Variants in SPOUT1 observed in about 807,000 individuals in gnomAD.
SPOUT1 encodes 28S rRNA (uridine-N(3))-methyltransferase.
A neutral mutation model predicts 54.8 loss-of-function variants in SPOUT1; 40 were observed. The ratio of observed to expected loss-of-function variants is 0.73; its 90% CI spans 0.57 to 0.95. The LOEUF is 0.95. Ranked by LOEUF, SPOUT1 falls within the 40% of genes least tolerant of loss-of-function variation. The pLI, the probability that SPOUT1 is intolerant of heterozygous loss-of-function variation, is 0.00. For missense variants in SPOUT1, 437 were observed against 499.5 expected, an observed-to-expected ratio of 0.87 and a Z score of 1.19; for synonymous variants, 193 against 200.3, an observed-to-expected ratio of 0.96 and a Z score of 0.31.
At position 128,826,202 on chromosome 9, in the gene SPOUT1, G is replaced by A. The variant is rs949841508; in HGVS notation, c.509-50C>T. The A allele has an allele frequency of 3.2e-6, 5 of 1,575,448 alleles. No homozygotes were observed. The highest frequency in any genetic ancestry group is 4.3e-6 in the Non-Finnish European group (5 of 1,159,668). On this transcript the variant is annotated intron_variant, in intron 6 of 11. Coordinates refer to ENST00000361256, the MANE Select transcript of SPOUT1 (RefSeq NM_016390.4). The surrounding 1 kb of genome is among the most constrained non-coding windows in gnomAD (Gnocchi z 5.5). ...TCTGGGAAGTGCTAGGGCACACAGG[G>A]TGCAGTGGGGACCCTGGAGCGGAGT...
At chr9:128,828,341 C>T (rs10988133) in intron 3 of SPOUT1, among the ~76,000 whole-genome samples, 7,227 of 152,112 alleles carry the variant, frequency 0.048, 271 homozygotes, top group East Asian at 0.16. Flanking sequence ...ACTAAAAATA[C>T]GAAAATTAGC....
chr9:128,827,233 G>T, intron 3 of SPOUT1, 42 bp from the exon 4 acceptor site: 1 of 1,566,498 alleles, frequency 6.4e-7, no homozygotes, highest in Non-Finnish European at 8.7e-7. Context: ...TGAGAGGCAA[G>T]GGCCCCCTAC....
At chr9:128,824,279 GGTGTGTGTGT>G (rs72464832) in intron 9 of SPOUT1, 105 bp from the exon 10 acceptor site, 14 of 496,140 alleles carry the variant, frequency 2.8e-5, no homozygotes, top group East Asian at 2.1e-4. Flanking sequence ...AGAGCTGTGT[GGTGTGTGTGT>G]GTGTGTGTGT....
At chr9:128,822,887 C>T (rs893296469) in intron 11 of SPOUT1, 54 bp from the exon 12 acceptor site, 17 of 1,342,720 alleles carry the variant, frequency 1.3e-5, no homozygotes, top group East Asian at 1.2e-4. Flanking sequence ...CGGGTGCCCC[C>T]GCTCCCAGCC....
intron 3 of SPOUT1, 113 bp from the exon 4 acceptor site, chr9:128,827,304 AT>A: frequency 1.0e-6 from 1 of 996,606 alleles, no homozygotes; most frequent in Non-Finnish European, 1.4e-6. Flanking sequence ...AGTGGGAGGA[AT>A]TTTGAGATGA....
Position 128,822,517 on chromosome 9 carries a change from C to T in SPOUT1, c.*248G>A, listed in dbSNP as rs535652631. 5.1e-6 allele frequency: 8 copies of T among 1,560,450 alleles called. No individual in the cohort carries two copies. The highest frequency in any genetic ancestry group is 4.7e-5 in the South Asian group (4 of 84,836). On this transcript the variant is annotated 3_prime_UTR_variant, in exon 12 of 12. Transcript: ENST00000361256. The stretch of plus-strand genomic sequence containing the variant: ...CACTGGAGCGCTTCCTGGTGCCCAT[C>T]GAGAGCATTGAGCGGGCTTCGGGGC...
chr9:128,829,332 C>T (rs529554705), intron 1 of SPOUT1, among the ~76,000 whole-genome samples, 177 bp from the exon 2 acceptor site: 1 of 152,276 alleles, frequency 6.6e-6, no homozygotes, highest in East Asian at 1.9e-4. Context: ...GTATCCCCAG[C>T]GCCTGGGACC....
chr9:128,822,973 G>C, intron 11 of SPOUT1, 140 bp from the exon 12 acceptor site: 1 of 637,018 alleles, frequency 1.6e-6, no homozygotes. Flanking sequence ...TGAGGTTAAT[G>C]ACAGGCCCAG....
Position 128,824,182 on chromosome 9 carries a change from T to C in SPOUT1, c.812-8A>G. 1.3e-6 allele frequency: 2 copies of C among 1,578,000 alleles called. No individual in the cohort carries two copies. Among genetic ancestry groups the C allele is most frequent in the South Asian group, 1.1e-5 (1 of 90,188 alleles). ...CCTCAGCAAACACAGCACCTGGGGGTGGGGCCAGCTCAGTGCAGGTCCTGC... is the reference window on the plus strand; with the variant it reads ...CCTCAGCAAACACAGCACCTGGGGGCGGGGCCAGCTCAGTGCAGGTCCTGC... On this transcript the variant is annotated splice_region_variant and splice_polypyrimidine_tract_variant and intron_variant, in intron 9 of 11. Transcript: ENST00000361256.
At position 128,820,512 on chromosome 9, in the gene SPOUT1, GAA is replaced by G. The variant is rs1466018101; in HGVS notation, c.*2251_*2252del. 2 of 546,860 alleles carry G rather than the reference GAA, an allele frequency of 3.7e-6. No individual in the cohort carries two copies. Among genetic ancestry groups the G allele is most frequent in the South Asian group, 4.8e-5 (2 of 41,546 alleles). 33.9% of individuals were successfully genotyped at this position (546,860 alleles called of 1,614,324 possible). On this transcript the variant is annotated 3_prime_UTR_variant, in exon 12 of 12. Transcript: ENST00000361256. ...CCTTCATTCGACTCTTGGGAGCTGA[GAA>G]AAGACTTTGACACCTGGGCTGTGGG...
Position 128,820,819 on chromosome 9 carries a change from T to TAG in SPOUT1, c.*1945_*1946insCT, listed in dbSNP as rs1445277430. ...TGACCCGCAGCTACCAAAACGTCTA[T>TAG]GTCTGCACAGGGCCACTCTTCCTGC... On this transcript the variant is annotated 3_prime_UTR_variant, in exon 12 of 12. Coordinates refer to ENST00000361256, the MANE Select transcript of SPOUT1 (RefSeq NM_016390.4). 3 of 1,611,518 alleles carry TAG rather than the reference T, an allele frequency of 1.9e-6. No individual in the cohort carries two copies.
intron 7 of SPOUT1, among the ~76,000 whole-genome samples, chr9:128,825,729 TC>T (rs1830228569): frequency 6.6e-6 from 1 of 152,218 alleles, no homozygotes; most frequent in African/African-American, 2.4e-5. Flanking sequence ...AATGCCCTCA[TC>T]CCAGCTTGGC....
At chr9:128,828,635 C>T (rs750690613) in intron 3 of SPOUT1, 100 bp downstream of exon 3, 31 of 1,291,172 alleles carry the variant, frequency 2.4e-5, no homozygotes, top group Non-Finnish European at 3.4e-5. Context: ...TTTGGACCTA[C>T]TGGTCTGTAA....
intron 10 of SPOUT1, 78 bp from the exon 11 acceptor site, chr9:128,823,972 C>G (rs1468038154): frequency 6.3e-7 from 1 of 1,587,030 alleles, no homozygotes; most frequent in Non-Finnish European, 8.6e-7. Flanking sequence ...CAGTCCCTCC[C>G]CACCCCAGAC....
At chr9:128,829,679 C>A (rs1052614832) in intron 1 of SPOUT1, 66 bp downstream of exon 1, 2 of 1,290,388 alleles carry the variant, frequency 1.5e-6, no homozygotes, top group East Asian at 5.1e-5. Context: ...GGCGAAGGCC[C>A]CCACGCCACT....
Position 128,822,208 on chromosome 9 carries a change from T to C in SPOUT1, c.*557A>G. ...CAGGCAGGCTACAGAAGTCTCACAG[T>C]GAGGGCGTGGTCCTGCAGGTTGACA... is the stretch of plus-strand genomic sequence containing the variant. On this transcript the variant is annotated 3_prime_UTR_variant, in exon 12 of 12. Transcript: ENST00000361256. 8.2e-7 allele frequency: 1 copy of C among 1,219,592 alleles called. No homozygotes were observed. Among genetic ancestry groups the C allele is most frequent in the African/African-American group, 1.5e-5 (1 of 66,320 alleles). The allele number at this position is 1,219,592 out of a possible 1,614,324, so 75.5% of individuals were successfully genotyped here. A position where few individuals can be genotyped will look rare whatever the true frequency, so the allele number is the denominator to read the frequency against.
In SPOUT1 at chr9:128,822,634, G is replaced by A. The variant is rs1830148133; in HGVS notation, c.*131C>T. The A allele has an allele frequency of 3.2e-6, 5 of 1,560,544 alleles. No individual in the cohort carries two copies. The highest frequency in any genetic ancestry group is 1.7e-4 in the Middle Eastern group (1 of 6,018). On this transcript the variant is annotated 3_prime_UTR_variant, in exon 12 of 12. Transcript: ENST00000361256. ...GAGGGTGGAGCCCAGTGAGACTGTG[G>A]GTGTGTGCAGGCCGGGGAGTATTAA...
chr9:128,820,938 G>C lies in SPOUT1; in HGVS notation c.*1827C>G, dbSNP rs1273044275. 5.1e-6 allele frequency: 6 copies of C among 1,185,476 alleles called. No individual in the cohort carries two copies. Among genetic ancestry groups the C allele is most frequent in the Non-Finnish European group, 7.3e-6 (6 of 821,648 alleles). 73.4% of individuals were successfully genotyped at this position (1,185,476 alleles called of 1,614,324 possible). On this transcript the variant is annotated 3_prime_UTR_variant, in exon 12 of 12. Transcript: ENST00000361256. ...AGGGCCAGGCTTGCCCCAGGCTCTG[G>C]GTCAATACCAGTTCCCTACTCATCT...
rs372072772 is a variant in SPOUT1, at chr9:128,820,799, C to T, written c.*1966G>A. 43 of 1,612,496 alleles carry T rather than the reference C, an allele frequency of 2.7e-5. No individual in the cohort carries two copies. The East Asian group carries it at 4.5e-4, about 17-fold the overall frequency. ...GGAGAAATATAGCCGCAGCTTGACC[C>T]GCAGCTACCAAAACGTCTATGTCTG... is the stretch of plus-strand genomic sequence containing the variant. On this transcript the variant is annotated 3_prime_UTR_variant, in exon 12 of 12. Coordinates refer to ENST00000361256, the MANE Select transcript of SPOUT1 (RefSeq NM_016390.4).
Sources: gnomAD v4.1 joint callset for allele counts (sites outside exome capture counted in the v4.1 genomes callset) on GRCh38, gnomAD v4.1.1 for gene constraint, Gnocchi (gnomAD v3.1) non-coding constraint, MANE v1.5 for transcripts, NCBI Gene and HGNC (gene_info 2026-07-23, HGNC 2026-07-21) for gene names.